Variants in BCL2L1 observed in about 807,000 individuals in gnomAD.
BCL2L1 encodes the protein bcl-2-like protein 1.
A neutral mutation model predicts 18.7 loss-of-function variants in BCL2L1; 1 was observed. That is an observed-to-expected ratio of 0.05 (90% CI 0.02 to 0.25). BCL2L1 has a LOEUF of 0.25. Among genes scored for constraint, BCL2L1 ranks in the 10% least tolerant of loss-of-function variants. The pLI is 1.00. For synonymous variants in BCL2L1, 103 were observed against 122.7 expected (o/e 0.84, Z 1.06); for missense variants, 207 against 304.9 (o/e 0.68, Z 2.39).
intron 2 of BCL2L1, among the ~76,000 whole-genome samples, chr20:31,709,840 CAA>C (rs56937786): frequency 2.0e-4 from 13 of 64,064 alleles, no homozygotes; most frequent in Non-Finnish European, 1.4e-4. Context: ...GACTCCATCT[CAA>C]AAAAAAAAAA....
chr20:31,723,752 C>A (rs1266192805), upstream of BCL2L1: 1 of 985,412 alleles, frequency 1.0e-6, no homozygotes, highest in Non-Finnish European at 1.2e-6. Flanking sequence ...CCCCGCGAGC[C>A]GTGGGGGGCC....
chr20:31,700,504 G>C (rs1271138631), intron 2 of BCL2L1, among the ~76,000 whole-genome samples: 2 of 152,092 alleles, frequency 1.3e-5, no homozygotes, highest in East Asian at 3.9e-4. Context: ...GACCTTTTTG[G>C]CTTTATTACC....
intron 2 of BCL2L1, among the ~76,000 whole-genome samples, chr20:31,691,329 C>T (rs2061070738): frequency 6.6e-6 from 1 of 151,190 alleles, no homozygotes. Context: ...GCCTGGCCAA[C>T]ATGTTGAAAC....
At chr20:31,686,910 C>T (rs2060965855) in intron 2 of BCL2L1, among the ~76,000 whole-genome samples, 1 of 152,206 alleles carries the variant, frequency 6.6e-6, no homozygotes. Context: ...TGTATTCTGT[C>T]TTTATTAGCA....
chr20:31,677,317 G>T (rs1337683503), intron 2 of BCL2L1, among the ~76,000 whole-genome samples: 1 of 151,892 alleles, frequency 6.6e-6, no homozygotes, highest in Non-Finnish European at 1.5e-5. Context: ...AAGTAATTGG[G>T]ACTACAGGCA....
chr20:31,723,764 C>T (rs1178377776), upstream of BCL2L1: 4 of 985,186 alleles, frequency 4.1e-6, no homozygotes, highest in Non-Finnish European at 4.8e-6. Context: ...TGGGGGGCCA[C>T]ATCCCCCTTC....
chr20:31,688,061 T>C (rs758738780), intron 2 of BCL2L1, among the ~76,000 whole-genome samples: 3 of 152,178 alleles, frequency 2.0e-5, no homozygotes, highest in Non-Finnish European at 4.4e-5. Flanking sequence ...TCAGATAATG[T>C]GCTGGTGCCT....
At position 31,721,684 on chromosome 20, in the gene BCL2L1, C is replaced by G; in HGVS notation, c.535G>C (p.Glu179Gln). The change falls in exon 2 of 3, where the codon GAG (glutamate) becomes CAG (glutamine). Residue 179 changes from glutamate (E) to glutamine (Q), a missense_variant. By Grantham distance (29) the Glu-to-Gln change is conservative (BLOSUM62 2). Coordinates refer to ENST00000307677, the MANE Select transcript of BCL2L1 (RefSeq NM_138578.3). ...WMATYLNDHLEPWIQENGGWD... is the reference protein window; with the variant it reads ...WMATYLNDHLQPWIQENGGWD... ...CCGCCGTTCTCCTGGATCCAAGGCT[C>G]TAGGTGGTCATTCAGGTAAGTGGCC... The G allele has an allele frequency of 6.2e-7, 1 of 1,613,378 alleles. No homozygotes were observed. The highest frequency in any genetic ancestry group is 8.5e-7 in the Non-Finnish European group (1 of 1,179,520).
At chr20:31,674,772 G>T (rs2060730296) in intron 2 of BCL2L1, among the ~76,000 whole-genome samples, 1 of 150,804 alleles carries the variant, frequency 6.6e-6, no homozygotes, top group Non-Finnish European at 1.5e-5. Flanking sequence ...CTACTCAGGA[G>T]ACTGAAGTGG....
chr20:31,702,860 C>T (rs1029245302), intron 2 of BCL2L1, among the ~76,000 whole-genome samples: 11 of 148,642 alleles, frequency 7.4e-5, no homozygotes, highest in Non-Finnish European at 1.5e-4. Context: ...GCAGGAGAAC[C>T]GCTTGAACCC....
intron 2 of BCL2L1, among the ~76,000 whole-genome samples, chr20:31,707,372 A>G (rs1264718083): frequency 6.6e-6 from 1 of 152,244 alleles, no homozygotes; most frequent in Non-Finnish European, 1.5e-5. Context: ...CAATGTGACA[A>G]TAACAGTAAT....
chr20:31,677,107 A>C (rs2060775820), intron 2 of BCL2L1, among the ~76,000 whole-genome samples: 1 of 152,146 alleles, frequency 6.6e-6, no homozygotes, highest in Non-Finnish European at 1.5e-5. Flanking sequence ...AGAACCAATA[A>C]GTCTTGCAAA....
At chr20:31,667,830 A>T (rs2060610392) in intron 2 of BCL2L1, among the ~76,000 whole-genome samples, 2 of 152,120 alleles carry the variant, frequency 1.3e-5, no homozygotes. Context: ...ACCTAGCAAA[A>T]TGCCATGTGC....
At chr20:31,686,839 C>T (rs970506837) in intron 2 of BCL2L1, among the ~76,000 whole-genome samples, 1 of 152,114 alleles carries the variant, frequency 6.6e-6, no homozygotes, top group Admixed American at 6.6e-5. Context: ...GCAGAGAGAG[C>T]CAAGGGAAGC....
chr20:31,705,494 C>T (rs560044448), intron 2 of BCL2L1, among the ~76,000 whole-genome samples: 1 of 152,296 alleles, frequency 6.6e-6, no homozygotes, highest in East Asian at 1.9e-4. Context: ...AGAGCCCATA[C>T]TTCCAATTAA....
At position 31,665,698 on chromosome 20, in the gene BCL2L1, C is replaced by A. The variant is rs1211982630; in HGVS notation, c.*251G>T. The A allele has an allele frequency of 1.5e-5, 8 of 551,132 alleles. No individual in the cohort carries two copies. Among genetic ancestry groups the A allele is most frequent in the Non-Finnish European group, 2.2e-5 (7 of 314,352 alleles). 34.1% of individuals were successfully genotyped at this position (551,132 alleles called of 1,614,324 possible). On this transcript the variant is annotated 3_prime_UTR_variant, in exon 3 of 3. Coordinates refer to ENST00000307677, the MANE Select transcript of BCL2L1 (RefSeq NM_138578.3). ...CCACAAACCCTTCCATACCTGCCAG[C>A]CTCCTTTGGACAGATTTTGTGGAAA...
intron 2 of BCL2L1, among the ~76,000 whole-genome samples, chr20:31,692,245 G>C (rs919801283): frequency 1.3e-5 from 2 of 152,246 alleles, no homozygotes; most frequent in African/African-American, 4.8e-5. Flanking sequence ...TTGAACATGT[G>C]CATGTGCAGG....
chr20:31,666,314 C>A (rs2060587285), intron 2 of BCL2L1, among the ~76,000 whole-genome samples: 1 of 152,078 alleles, frequency 6.6e-6, no homozygotes, highest in Admixed American at 6.6e-5. Context: ...GAGGAAAGTG[C>A]CCTGTCTGAG....
chr20:31,695,686 A>G (rs1359337161), intron 2 of BCL2L1, among the ~76,000 whole-genome samples: 1 of 152,160 alleles, frequency 6.6e-6, no homozygotes, highest in Non-Finnish European at 1.5e-5. Flanking sequence ...GCATCAAGTG[A>G]TCCTCCTGCC....
Sources: gnomAD v4.1 joint callset for allele counts (sites outside exome capture counted in the v4.1 genomes callset) on GRCh38, gnomAD v4.1.1 for gene constraint, MANE v1.5 for transcripts, NCBI Gene and HGNC (gene_info 2026-07-23, HGNC 2026-07-21) for gene names.